The following AGBL1 variants were observed in gnomAD, a reference collection of about 807,000 sequenced individuals.
The protein encoded by AGBL1 is AGBL carboxypeptidase 1, also known as cytosolic carboxypeptidase 4.
In AGBL1, 130 loss-of-function variants were observed where a neutral mutation model predicts 118.9. That is an observed-to-expected ratio of 1.09 (90% CI 0.95 to 1.26). The LOEUF is 1.26. AGBL1 is among the 50% of genes most tolerant of loss of function. The pLI is 0.00. For synonymous variants in AGBL1, 555 were observed against 478.9 expected (o/e 1.16, Z -2.08); for missense variants, 1,584 against 1,298.1 (o/e 1.22, Z -3.38).
chr15:86,192,440 A>G (rs1027613258), intron 5 of AGBL1, among the ~76,000 whole-genome samples: 3 of 151,916 alleles, frequency 2.0e-5, no homozygotes, highest in African/African-American at 7.2e-5. Context: ...GTGTATGTGC[A>G]CATGTAAATT....
At chr15:86,872,551 C>T (rs1378287572) in intron 22 of AGBL1, among the ~76,000 whole-genome samples, 4 of 152,174 alleles carry the variant, frequency 2.6e-5, no homozygotes, top group South Asian at 2.1e-4. Context: ...GTCAGGAGTT[C>T]GAGACCAGCC....
chr15:86,987,757 A>T (rs1404548815), intron 23 of AGBL1, among the ~76,000 whole-genome samples: 1 of 152,114 alleles, frequency 6.6e-6, no homozygotes, highest in East Asian at 1.9e-4. Flanking sequence ...TTTTTATCAG[A>T]TTCTTAGACC....
chr15:86,556,827 C>A (rs2142276104), intron 21 of AGBL1, among the ~76,000 whole-genome samples: 1 of 152,188 alleles, frequency 6.6e-6, no homozygotes, highest in East Asian at 1.9e-4. Flanking sequence ...GAGAGGCATT[C>A]TTTCCTTCCT....
chr15:86,703,049 T>C (rs1044920164), intron 22 of AGBL1, among the ~76,000 whole-genome samples: 1 of 152,190 alleles, frequency 6.6e-6, no homozygotes, highest in Middle Eastern at 3.4e-3. Context: ...GAAAATCCAG[T>C]TATTGTAGTG....
rs2079045140 is a variant in AGBL1 at position 86,264,678 on chromosome 15, C to A, written c.1507C>A (p.Leu503Met). 6.2e-7 allele frequency: 1 copy of A among 1,614,040 alleles called. No homozygotes were observed. The highest frequency in any genetic ancestry group is 2.2e-5 in the East Asian group (1 of 44,880). ...AATAGATAAGCTTCTGCAGACACAT[C>A]TGAAGCGTGTCCCTTTCCACGATCC... ...KVIDKLLQTH[L>M]KRVPFHDPYL... Residue 503 changes from leucine to methionine, a missense_variant, in exon 11 of 23, where the codon CTG (leucine) becomes ATG (methionine). Leu to Met is a conservative substitution (Grantham distance 15, BLOSUM62 2). Coordinates refer to ENST00000614907, the MANE Select transcript of AGBL1 (RefSeq NM_001386094.1).
rs577855855 is a variant in AGBL1 at position 87,005,743 on chromosome 15, G to A, written c.3323+17655G>A. On this transcript the variant is annotated intron_variant, in intron 24 of 24. Coordinates refer to the AGBL1 transcript ENST00000441037. ...TTTGTTTCGTTGCTGGTGAGGAGGT[G>A]CATTCCTTTGGAAGAGGAGAGGTGC... Among the ~76,000 whole-genome samples the A allele has an allele frequency of 7.2e-5, 11 of 152,308 alleles. No homozygotes were observed. In the East Asian group the frequency reaches 1.9e-3, roughly 27 times the overall value.
At chr15:86,110,421 TAAG>T (rs149996315) in intron 1 of AGBL1, among the ~76,000 whole-genome samples, 4,020 of 152,292 alleles carry the variant, frequency 0.026, 178 homozygotes, top group African/African-American at 0.085. Context: ...TTAAAAATCA[TAAG>T]AAAGAAAAAT....
chr15:86,091,780 A>C (rs1380340755), intron 1 of AGBL1, among the ~76,000 whole-genome samples: 2 of 151,988 alleles, frequency 1.3e-5, no homozygotes, highest in East Asian at 3.9e-4. Context: ...TAAATCTCAC[A>C]ATTTTTTTTC....
chr15:86,331,704 C>G (rs1414640577), intron 17 of AGBL1, among the ~76,000 whole-genome samples: 1 of 152,204 alleles, frequency 6.6e-6, no homozygotes, highest in Non-Finnish European at 1.5e-5. Context: ...AACTAAACTT[C>G]ATAAGCAAAG....
At chr15:86,941,200 C>T (rs1425724290) in intron 23 of AGBL1, among the ~76,000 whole-genome samples, 3 of 152,180 alleles carry the variant, frequency 2.0e-5, no homozygotes, top group African/African-American at 7.2e-5. Context: ...AGCACAAACT[C>T]TTTGGCTTTT....
At chr15:86,955,082 G>T (rs1017373993) in intron 23 of AGBL1, among the ~76,000 whole-genome samples, 3 of 151,790 alleles carry the variant, frequency 2.0e-5, no homozygotes, top group African/African-American at 7.3e-5. Flanking sequence ...TATGGCTGTC[G>T]TACATTTCAC....
chr15:86,864,333 G>T (rs1051963633), intron 22 of AGBL1, among the ~76,000 whole-genome samples: 1 of 152,152 alleles, frequency 6.6e-6, no homozygotes, highest in Non-Finnish European at 1.5e-5. Context: ...ATACCTTGAA[G>T]CCTTGAGTTT....
At chr15:86,218,169 G>A (rs2078220480) in intron 5 of AGBL1, among the ~76,000 whole-genome samples, 1 of 152,118 alleles carries the variant, frequency 6.6e-6, no homozygotes, top group Admixed American at 6.5e-5. Context: ...ACCCTCACAT[G>A]CTTAGGCTAG....
chr15:86,262,248 T>C (rs12917177), intron 9 of AGBL1, among the ~76,000 whole-genome samples: 2 of 152,044 alleles, frequency 1.3e-5, no homozygotes, highest in Non-Finnish European at 2.9e-5. Context: ...TATTCATTTG[T>C]TTACTTTCTT....
chr15:86,672,345 A>G (rs1289118001), intron 21 of AGBL1, among the ~76,000 whole-genome samples: 1 of 152,170 alleles, frequency 6.6e-6, no homozygotes, highest in Non-Finnish European at 1.5e-5. Context: ...TTTAGCTGTT[A>G]TTGTATAGAA....
At chr15:86,526,127 T>G (rs75076843) in intron 19 of AGBL1, among the ~76,000 whole-genome samples, 184 of 152,294 alleles carry the variant, frequency 1.2e-3, no homozygotes, top group African/African-American at 4.1e-3. Flanking sequence ...TCAACGTCAC[T>G]AATTATCAGG....
chr15:86,407,939 C>G (rs556351227), intron 18 of AGBL1, among the ~76,000 whole-genome samples: 12 of 152,186 alleles, frequency 7.9e-5, no homozygotes, highest in Non-Finnish European at 1.8e-4. Flanking sequence ...GCAGTGCTCA[C>G]CCACAAAGCT....
intron 22 of AGBL1, among the ~76,000 whole-genome samples, chr15:86,808,665 C>T (rs975173366): frequency 6.8e-6 from 1 of 147,134 alleles, no homozygotes; most frequent in African/African-American, 2.6e-5. Flanking sequence ...TTTCTTTCCT[C>T]CTTCCTTTTC....
chr15:86,875,271 A>T (rs2079791280), intron 22 of AGBL1, among the ~76,000 whole-genome samples: 1 of 152,144 alleles, frequency 6.6e-6, no homozygotes, highest in African/African-American at 2.4e-5. Flanking sequence ...CATAAATAAG[A>T]TCTAGGTCTT....
Sources: gnomAD v4.1 joint callset for allele counts (sites outside exome capture counted in the v4.1 genomes callset) on GRCh38, gnomAD v4.1.1 for gene constraint, MANE v1.5 for transcripts, NCBI Gene and HGNC (gene_info 2026-07-23, HGNC 2026-07-21) for gene names.